The following ADCY2 variants were observed in gnomAD, a reference collection of about 807,000 sequenced individuals.
The protein encoded by ADCY2 is adenylate cyclase 2, also known as adenylate cyclase type 2.
ADCY2 carries 31 observed loss-of-function variants against 125.2 expected under a neutral mutation model. The ratio of observed to expected loss-of-function variants is 0.25; its 90% CI spans 0.19 to 0.33. The LOEUF is 0.33. Among genes scored for constraint, ADCY2 ranks in the 10% least tolerant of loss-of-function variants. The probability of loss-of-function intolerance (pLI) is 1.00; values close to 1 mark genes in which losing one functional copy is unlikely to be tolerated. For synonymous variants in ADCY2, 512 were observed against 548.4 expected, an observed-to-expected ratio of 0.93 and a Z score of 0.93; for missense variants, 904 against 1,418.2, an observed-to-expected ratio of 0.64 and a Z score of 5.82.
chr5:7,597,565 A>G (rs1319392941), intron 3 of ADCY2, among the ~76,000 whole-genome samples: 2 of 152,220 alleles, frequency 1.3e-5, no homozygotes, highest in African/African-American at 4.8e-5. Flanking sequence ...ACTTAAGCCC[A>G]GGAGTGCAAG....
chr5:7,826,852 A>G lies in ADCY2; in HGVS notation c.3257A>G (p.Gln1086Arg). Reference protein sequence around the residue: ...VNTEMSRSLSQSNVAS With the variant: ...VNTEMSRSLSRSNVAS ...ACAGAAATGTCAAGGTCCCTTTCCC[A>G]GAGCAACGTGGCATCCTGAAGAGTC... is the stretch of plus-strand genomic sequence containing the variant. The change falls in exon 25 of 25, where the codon CAG becomes CGG. Residue 1086 changes from glutamine (Q) to arginine (R), a missense_variant. Gln to Arg is a conservative substitution (Grantham distance 43). This residue lies in a region of ADCY2 where 181 missense variants were observed against 381.6 expected (regional missense o/e 0.47). Transcript: ENST00000338316. The G allele has an allele frequency of 1.9e-6, 3 of 1,610,400 alleles. No homozygotes were observed. The highest frequency in any genetic ancestry group is 2.5e-6 in the Non-Finnish European group (3 of 1,178,742).
intron 7 of ADCY2, among the ~76,000 whole-genome samples, chr5:7,699,584 T>A (rs1373854141): frequency 6.6e-6 from 1 of 152,042 alleles, no homozygotes; most frequent in Non-Finnish European, 1.5e-5. Flanking sequence ...TAGTATTATT[T>A]TTGTTTGTTT....
At chr5:7,648,789 G>C (rs1233491996) in intron 4 of ADCY2, among the ~76,000 whole-genome samples, 5 of 152,172 alleles carry the variant, frequency 3.3e-5, no homozygotes, top group Non-Finnish European at 5.9e-5. Context: ...TGTGAAGTGA[G>C]TCATTTCTTT....
At chr5:7,612,932 C>T (rs1256174871) in intron 3 of ADCY2, among the ~76,000 whole-genome samples, 2 of 152,188 alleles carry the variant, frequency 1.3e-5, no homozygotes, top group Non-Finnish European at 2.9e-5. Context: ...AGGAGAATGG[C>T]GTGAACCCGG....
At chr5:7,541,383 A>G (rs1012644640) in intron 3 of ADCY2, among the ~76,000 whole-genome samples, 2 of 152,250 alleles carry the variant, frequency 1.3e-5, no homozygotes, top group Non-Finnish European at 2.9e-5. Flanking sequence ...CATTTATTAA[A>G]GGTCTGATGG....
chr5:7,592,866 C>T (rs1579608989), intron 3 of ADCY2, among the ~76,000 whole-genome samples: 1 of 152,210 alleles, frequency 6.6e-6, no homozygotes, highest in Admixed American at 6.5e-5. Flanking sequence ...ACTACAGCAC[C>T]TCTATTAAAT....
chr5:7,717,872 A>G (rs1741640308), intron 12 of ADCY2, among the ~76,000 whole-genome samples: 1 of 152,214 alleles, frequency 6.6e-6, no homozygotes, highest in African/African-American at 2.4e-5. Context: ...GAACCCATGC[A>G]GAGCAGAAGG....
chr5:7,518,741 C>T (rs889846317), intron 2 of ADCY2, among the ~76,000 whole-genome samples: 1 of 152,114 alleles, frequency 6.6e-6, no homozygotes, highest in Non-Finnish European at 1.5e-5. Context: ...GCTGTTGTCC[C>T]GAGACGGCTG....
chr5:7,505,733 C>T (rs1743788062), intron 2 of ADCY2, among the ~76,000 whole-genome samples: 1 of 152,152 alleles, frequency 6.6e-6, no homozygotes, highest in Non-Finnish European at 1.5e-5. Context: ...TACACTGCTC[C>T]ACTAGATGCT....
In ADCY2 at chr5:7,717,208, T is replaced by G; in HGVS notation, c.1674T>G (p.Ile558Met). 1 of 1,611,248 alleles carries G rather than the reference T, an allele frequency of 6.2e-7. No homozygotes were observed. ...AAGAAGAATTGAATGAAAGGATGAT[T>G]CAAGCAATTGATGGGATTAATGCAC... ...RFEEELNERMIQAIDGINAQK... is the reference protein window; with the variant it reads ...RFEEELNERMMQAIDGINAQK... Residue 558 changes from isoleucine to methionine, a missense_variant, in exon 12 of 25, where the codon ATT becomes ATG. This residue lies in a region of ADCY2 where 144 missense variants were observed against 227.7 expected (regional missense o/e 0.63). Coordinates refer to ENST00000338316, the MANE Select transcript of ADCY2 (RefSeq NM_020546.3).
intron 2 of ADCY2, among the ~76,000 whole-genome samples, chr5:7,505,072 T>TGA (rs1743756368): frequency 6.6e-6 from 1 of 151,244 alleles, no homozygotes. Context: ...TTTGTAGAGA[T>TGA]GAGGTTCCAT....
chr5:7,522,756 A>G (rs1412846426), intron 3 of ADCY2: 6 of 15,964 alleles, frequency 3.8e-4, no homozygotes, highest in African/African-American at 4.5e-4. Context: ...AAAAAAAAAA[A>G]AAAAAAAAAA....
At chr5:7,811,374 G>A (rs899275772) in intron 22 of ADCY2, among the ~76,000 whole-genome samples, 20 of 151,998 alleles carry the variant, frequency 1.3e-4, no homozygotes, top group African/African-American at 4.8e-4. Flanking sequence ...GGTGGCAGGC[G>A]CCTGTAGTCC....
chr5:7,659,580 G>A (rs940620643), intron 4 of ADCY2, among the ~76,000 whole-genome samples: 1 of 152,196 alleles, frequency 6.6e-6, no homozygotes, highest in Admixed American at 6.5e-5. Flanking sequence ...CTTGCAGTTA[G>A]TCCTCTTATG....
rs536372351 is a variant in ADCY2 at position 7,587,803 on chromosome 5, G to A, written c.571-38364G>A. 1.6e-4 allele frequency among the ~76,000 whole-genome samples: 25 copies of A among 152,320 alleles called. No individual in the cohort carries two copies. In the South Asian group the frequency reaches 5.0e-3, roughly 30 times the overall value. On this transcript the variant is annotated intron_variant, in intron 3 of 24. Transcript: ENST00000338316. ...AAATAAAGGAGAACATAAACACAGG[G>A]TCGTAGAAGAGGATAGGGAAACGTT... is the stretch of plus-strand genomic sequence containing the variant.
At chr5:7,578,626 G>A (rs957646251) in intron 3 of ADCY2, among the ~76,000 whole-genome samples, 1 of 152,066 alleles carries the variant, frequency 6.6e-6, no homozygotes, top group Admixed American at 6.5e-5. Flanking sequence ...TTTTGGAATC[G>A]TGGGCATCTT....
chr5:7,706,365 G>A (rs1741265786), intron 7 of ADCY2, among the ~76,000 whole-genome samples: 1 of 152,208 alleles, frequency 6.6e-6, no homozygotes, highest in African/African-American at 2.4e-5. Context: ...AACTAAAATT[G>A]CAAACCCTGT....
At chr5:7,504,173 G>A (rs748913693) in intron 2 of ADCY2, among the ~76,000 whole-genome samples, 7 of 152,148 alleles carry the variant, frequency 4.6e-5, no homozygotes, top group Non-Finnish European at 7.3e-5. Context: ...ATGTTGTTCC[G>A]GGTATGGGTT....
At chr5:7,770,527 C>G (rs1286304511) in intron 17 of ADCY2, among the ~76,000 whole-genome samples, 1 of 152,220 alleles carries the variant, frequency 6.6e-6, no homozygotes, top group Non-Finnish European at 1.5e-5. Context: ...GCAGAATTTA[C>G]AAGCTTCTCA....
Sources: gnomAD v4.1 joint callset for allele counts (sites outside exome capture counted in the v4.1 genomes callset) on GRCh38, gnomAD v4.1.1 for gene constraint, gnomAD v4.1.1 regional missense constraint, MANE v1.5 for transcripts, NCBI Gene and HGNC (gene_info 2026-07-23, HGNC 2026-07-21) for gene names.